The following TSG101 variants were observed in gnomAD, a reference collection of about 807,000 sequenced individuals.
The protein encoded by TSG101 is tumor susceptibility gene 101 protein.
A neutral mutation model predicts 48.5 loss-of-function variants in TSG101; 19 were observed. The observed-to-expected ratio is 0.39, with a 90% CI of 0.27 to 0.58. The LOEUF is 0.58. TSG101 is among the 20% of genes least tolerant of loss of function. TSG101 has a pLI of 0.55. For synonymous variants in TSG101, 174 were observed against 169.4 expected, an observed-to-expected ratio of 1.03 and a Z score of -0.21; for missense variants, 365 against 484.4, an observed-to-expected ratio of 0.75 and a Z score of 2.31.
chr11:18,515,619 T>C (rs1044174796), intron 3 of TSG101, among the ~76,000 whole-genome samples: 2 of 152,246 alleles, frequency 1.3e-5, no homozygotes, highest in African/African-American at 4.8e-5. Flanking sequence ...ACATTCATTA[T>C]CTAATAAATG....
chr11:18,508,063 C>T (rs1015417802), intron 5 of TSG101, among the ~76,000 whole-genome samples: 2 of 149,734 alleles, frequency 1.3e-5, no homozygotes, highest in African/African-American at 2.5e-5. Flanking sequence ...CACTGCACTC[C>T]GGCCTGGGCA....
chr11:18,499,218 A>G (rs1306387293), intron 7 of TSG101, among the ~76,000 whole-genome samples: 2 of 138,214 alleles, frequency 1.4e-5, no homozygotes, highest in Non-Finnish European at 3.1e-5. Context: ...TAAAATATAT[A>G]TATTTATATA....
intron 8 of TSG101, among the ~76,000 whole-genome samples, chr11:18,483,397 G>A (rs1849572957): frequency 6.6e-6 from 1 of 151,328 alleles, no homozygotes; most frequent in South Asian, 2.1e-4. Flanking sequence ...TCAGGAGGCT[G>A]AGTCAGGAGA....
At chr11:18,507,105 G>A (rs893506035) in intron 5 of TSG101, among the ~76,000 whole-genome samples, 182 bp from the exon 6 acceptor site, 9 of 152,114 alleles carry the variant, frequency 5.9e-5, no homozygotes, top group African/African-American at 2.2e-4. Flanking sequence ...CATTAAACAT[G>A]AATTACAATA....
At chr11:18,486,838 G>A (rs1381149306) in intron 7 of TSG101, among the ~76,000 whole-genome samples, 1 of 151,756 alleles carries the variant, frequency 6.6e-6, no homozygotes, top group Non-Finnish European at 1.5e-5. Context: ...TTGCAGCACT[G>A]TTCACAATAG....
chr11:18,526,147 A>C (rs1048103910), intron 1 of TSG101, among the ~76,000 whole-genome samples: 2 of 152,070 alleles, frequency 1.3e-5, no homozygotes, highest in East Asian at 1.9e-4. Context: ...GAAAAAAAAA[A>C]CACTAGTCTT....
intron 3 of TSG101, among the ~76,000 whole-genome samples, chr11:18,515,521 T>C (rs1299690445): frequency 2.6e-5 from 4 of 152,224 alleles, no homozygotes; most frequent in East Asian, 1.9e-4. Flanking sequence ...TTATCTATCA[T>C]TAGCATTATC....
At chr11:18,500,214 ATCCAT>A (rs1393461188) in intron 7 of TSG101, among the ~76,000 whole-genome samples, 1 of 152,138 alleles carries the variant, frequency 6.6e-6, no homozygotes, top group Non-Finnish European at 1.5e-5. Context: ...CATTGTCTTT[ATCCAT>A]TCATCTGCTG....
chr11:18,504,052 T>G lies in TSG101; in HGVS notation c.549-1475A>C, dbSNP rs747860057. ...AACCATTTCTACAAAAATAGAAAAA[T>G]TAGCTAGGTGTAGGGGCACACACCT... On this transcript the variant is annotated intron_variant, in intron 6 of 9. Coordinates refer to ENST00000251968, the MANE Select transcript of TSG101 (RefSeq NM_006292.4). Among the ~76,000 whole-genome samples the G allele has an allele frequency of 6.1e-4, 92 of 151,450 alleles. 2 individuals carry two copies. The highest frequency in any genetic ancestry group is 2.5e-4 in the Non-Finnish European group (17 of 67,874).
rs569357571 is a variant in TSG101 at position 18,526,725 on chromosome 11, G to A, written c.42+50C>T. 1.8e-5 allele frequency: 28 copies of A among 1,584,358 alleles called. No homozygotes were observed. In the Admixed American group the frequency reaches 3.1e-4, roughly 17 times the overall value. ...GGCCGGGACGGACTCGACAGGGCGC[G>A]GAAGGGAGCGGTGGGCGCGCCCTGG... On this transcript the variant is annotated intron_variant, in intron 1 of 9. Coordinates refer to ENST00000251968, the MANE Select transcript of TSG101 (RefSeq NM_006292.4).
intron 3 of TSG101, among the ~76,000 whole-genome samples, chr11:18,515,144 C>T (rs1215676714): frequency 6.6e-6 from 1 of 152,188 alleles, no homozygotes; most frequent in Non-Finnish European, 1.5e-5. Context: ...GTCACTTCCT[C>T]TGTGATCTTC....
At chr11:18,506,744 T>C in intron 6 of TSG101, 113 bp downstream of exon 6, 3 of 763,864 alleles carry the variant, frequency 3.9e-6, no homozygotes, top group Non-Finnish European at 6.0e-6. Flanking sequence ...AGTTTTATCT[T>C]CCACTAAATT....
At chr11:18,506,282 C>A (rs1460359414) in intron 6 of TSG101, among the ~76,000 whole-genome samples, 1 of 150,668 alleles carries the variant, frequency 6.6e-6, no homozygotes, top group Non-Finnish European at 1.5e-5. Flanking sequence ...ATCTTGAAGT[C>A]CTTTTAAGAA....
intron 7 of TSG101, among the ~76,000 whole-genome samples, chr11:18,496,192 G>A (rs1467838327): frequency 2.0e-5 from 3 of 152,030 alleles, no homozygotes; most frequent in Admixed American, 2.0e-4. Context: ...GGCTGGGTGA[G>A]GTGGCTTATG....
chr11:18,499,402 A>ATTTTTTTT lies in TSG101; in HGVS notation c.640+3076_640+3083dup, dbSNP rs1160424288. Among the ~76,000 whole-genome samples, 36 of 5,450 alleles carry ATTTTTTTT rather than the reference A, an allele frequency of 6.6e-3. 5 individuals carry two copies. Among genetic ancestry groups the ATTTTTTTT allele is most frequent in the South Asian group, 0.022 (2 of 92 alleles). The allele number at this position is 5,450 out of a possible 152,430, so 3.6% of individuals were successfully genotyped here. A position where few individuals can be genotyped will look rare whatever the true frequency, so the allele number is the denominator to read the frequency against. On this transcript the variant is annotated intron_variant, in intron 7 of 9. Coordinates refer to ENST00000251968, the MANE Select transcript of TSG101 (RefSeq NM_006292.4). ...TTTAAATATATATATATATATATATATTTTTTTTTTTTTTTTTTTTTTTCC... is the reference window on the plus strand; with the variant it reads ...TTTAAATATATATATATATATATATATTTTTTTTTTTTTTTTTTTTTTTTTTTTTTTCC...
chr11:18,511,649 C>G (rs962340650), intron 4 of TSG101, among the ~76,000 whole-genome samples: 1 of 152,152 alleles, frequency 6.6e-6, no homozygotes, highest in Non-Finnish European at 1.5e-5. Context: ...ATATAATTCA[C>G]ATCCCATAAA....
Position 18,526,855 on chromosome 11 carries a change from G to A in TSG101, c.-39C>T. ...CGACTCCCTTCCCCGCAGGCAGAGG[G>A]TCAGCCGCTGCTGGGCTGCCCCAGA... On this transcript the variant is annotated 5_prime_UTR_variant, in exon 1 of 10. Coordinates refer to ENST00000251968, the MANE Select transcript of TSG101 (RefSeq NM_006292.4). The A allele has an allele frequency of 6.3e-7, 1 of 1,590,064 alleles. No homozygotes were observed. Among genetic ancestry groups the A allele is most frequent in the Non-Finnish European group, 8.5e-7 (1 of 1,174,706 alleles).
intron 4 of TSG101, among the ~76,000 whole-genome samples, chr11:18,513,203 G>C (rs1204686470): frequency 6.6e-6 from 1 of 152,070 alleles, no homozygotes; most frequent in African/African-American, 2.4e-5. Context: ...CTGATTTTCA[G>C]AGGCGTTCTG....
At chr11:18,486,572 C>G (rs1390354011) in intron 7 of TSG101, among the ~76,000 whole-genome samples, 3 of 151,978 alleles carry the variant, frequency 2.0e-5, no homozygotes, top group African/African-American at 7.2e-5. Flanking sequence ...AATGAGATAC[C>G]ATCTCACACC....
Sources: allele counts gnomAD v4.1 joint callset (sites outside exome capture counted in the v4.1 genomes callset), GRCh38; gene constraint gnomAD v4.1.1; transcripts MANE v1.5; gene names NCBI Gene and HGNC (gene_info 2026-07-23, HGNC 2026-07-21).